The following NOL10 variants were observed in gnomAD, a reference collection of about 807,000 sequenced individuals.
The protein encoded by NOL10 is H_NH0074G24.1.
Under a neutral mutation model 103.5 loss-of-function variants are expected in NOL10, and 58 were observed. The ratio of observed to expected loss-of-function variants is 0.56; its 90% CI spans 0.45 to 0.70. The LOEUF (loss-of-function observed/expected upper bound fraction) is 0.70, where lower values mean the gene tolerates loss of function less well. Ranked by LOEUF, NOL10 falls within the 30% of genes least tolerant of loss-of-function variation. The probability of loss-of-function intolerance (pLI) is 0.00; values close to 1 mark genes in which losing one functional copy is unlikely to be tolerated. For missense variants in NOL10, 763 were observed against 807.3 expected, an observed-to-expected ratio of 0.95 and a Z score of 0.67; for synonymous variants, 287 against 282.5, an observed-to-expected ratio of 1.02 and a Z score of -0.16.
intron 1 of NOL10, among the ~76,000 whole-genome samples, chr2:10,687,771 T>C (rs1572458885): frequency 6.6e-6 from 1 of 152,134 alleles, no homozygotes; most frequent in Non-Finnish European, 1.5e-5. Context: ...CCGGCCAACA[T>C]AGTGAAACTC....
chr2:10,604,797 T>A (rs79747263), intron 14 of NOL10: 28 of 152,344 alleles, frequency 1.8e-4, no homozygotes, highest in African/African-American at 6.5e-4. Context: ...GTTAACTCCA[T>A]GGATCACTAG....
intron 14 of NOL10, among the ~76,000 whole-genome samples, chr2:10,606,685 C>G (rs903136695): frequency 1.3e-5 from 2 of 151,186 alleles, no homozygotes; most frequent in African/African-American, 4.9e-5. Context: ...TTTTAAGACA[C>G]TTCTTGGCTT....
intron 20 of NOL10, among the ~76,000 whole-genome samples, chr2:10,576,672 G>C (rs1186791382): frequency 1.3e-5 from 2 of 152,198 alleles, no homozygotes; most frequent in African/African-American, 4.8e-5. Flanking sequence ...CAAAGCTATG[G>C]AGACAGGAAG....
intron 13 of NOL10, among the ~76,000 whole-genome samples, chr2:10,643,218 G>A (rs1405113419): frequency 2.0e-5 from 3 of 152,142 alleles, no homozygotes; most frequent in Non-Finnish European, 2.9e-5. Flanking sequence ...TCAGTATCCC[G>A]AAACCACAGA....
chr2:10,684,373 G>A (rs1183286719), intron 2 of NOL10, among the ~76,000 whole-genome samples, 194 bp downstream of exon 2: 1 of 151,962 alleles, frequency 6.6e-6, no homozygotes, highest in Non-Finnish European at 1.5e-5. Flanking sequence ...TCAAGCCCAG[G>A]AGTTAGAGAC....
At chr2:10,680,520 G>A (rs909955326) in intron 3 of NOL10, among the ~76,000 whole-genome samples, 3 of 152,166 alleles carry the variant, frequency 2.0e-5, no homozygotes, top group African/African-American at 7.2e-5. Flanking sequence ...TGTGAGCCTA[G>A]ACAAGTCACT....
intron 17 of NOL10, among the ~76,000 whole-genome samples, chr2:10,595,127 G>C (rs1675600027): frequency 2.7e-5 from 3 of 110,610 alleles, no homozygotes; most frequent in Non-Finnish European, 4.0e-5. Context: ...AGGCAAGAGG[G>C]AGGGAGGGGG....
intron 17 of NOL10, among the ~76,000 whole-genome samples, chr2:10,596,192 G>A (rs1675679670): frequency 7.7e-6 from 1 of 130,704 alleles, no homozygotes; most frequent in Non-Finnish European, 1.6e-5. Context: ...GCCTAGAACA[G>A]TGATCCTCAA....
Position 10,684,587 on chromosome 2 carries a change from G to A in NOL10, c.92C>T (p.Ala31Val), listed in dbSNP as rs1217914379. The change falls in exon 2 of 21, where the codon GCG (alanine) becomes GTG (valine). Residue 31 changes from alanine (A) to valine (V), a missense_variant. Transcript: ENST00000381685. Reference sequence around the variant, plus strand: ...CTCACCTACATCTTTCTTCTGTAGCGCTCTCTTCTTCCTATCAGAAAGCCA... The same window carrying A: ...CTCACCTACATCTTTCTTCTGTAGCACTCTCTTCTTCCTATCAGAAAGCCA... ...PEWLSDRKKR[A>V]LQKKDVDVRR... 1.2e-5 allele frequency: 19 copies of A among 1,573,628 alleles called. No individual in the cohort carries two copies. The highest frequency in any genetic ancestry group is 2.7e-5 in the African/African-American group (2 of 74,110).
intron 13 of NOL10, among the ~76,000 whole-genome samples, chr2:10,641,292 G>A (rs1453897037): frequency 4.0e-5 from 6 of 151,456 alleles, no homozygotes; most frequent in African/African-American, 1.2e-4. Context: ...GCAGTGAGCC[G>A]AGATTGTGCC....
intron 13 of NOL10, among the ~76,000 whole-genome samples, chr2:10,617,035 A>C (rs1374021297): frequency 1.3e-5 from 2 of 152,226 alleles, no homozygotes; most frequent in East Asian, 3.8e-4. Context: ...CCCACCCTCA[A>C]GGAGCTTACC....
intron 12 of NOL10, among the ~76,000 whole-genome samples, chr2:10,652,787 C>G (rs1321678028): frequency 6.6e-6 from 1 of 152,168 alleles, no homozygotes; most frequent in African/African-American, 2.4e-5. Flanking sequence ...TATCTACAGA[C>G]CTGCTTACCC....
intron 20 of NOL10, among the ~76,000 whole-genome samples, chr2:10,574,682 T>C (rs1437752968): frequency 1.3e-5 from 2 of 152,140 alleles, no homozygotes; most frequent in Non-Finnish European, 2.9e-5. Context: ...CATATAATTT[T>C]GGAAAATCAT....
At position 10,605,140 on chromosome 2, in the gene NOL10, G is replaced by A. The variant is rs150360388; in HGVS notation, c.1154-1983C>T. On this transcript the variant is annotated intron_variant, in intron 14 of 20. Coordinates refer to ENST00000381685, the MANE Select transcript of NOL10 (RefSeq NM_024894.4). ...AGGCGAAGTGAATTGGCCAAGTTGT[G>A]CAGATATTAAGTGAGAAAGGTGGGA... Among the ~76,000 whole-genome samples, 67 of 152,312 alleles carry A rather than the reference G, an allele frequency of 4.4e-4. No individual in the cohort carries two copies. In the East Asian group the frequency reaches 0.013, roughly 29 times the overall value.
chr2:10,604,330 T>C (rs570434261), intron 14 of NOL10, among the ~76,000 whole-genome samples: 1 of 152,182 alleles, frequency 6.6e-6, no homozygotes, highest in Non-Finnish European at 1.5e-5. Context: ...TATACATCCA[T>C]CTAGACCTGA....
rs535757611 is a variant in NOL10, at chr2:10,642,511, C to T, written c.1026+1809G>A. ...TTACAACTCTTGTCAGGACTCCCTG[C>T]CCTACATCCCCACAGCCGGCTCACA... On this transcript the variant is annotated intron_variant, in intron 13 of 20. Coordinates refer to ENST00000381685, the MANE Select transcript of NOL10 (RefSeq NM_024894.4). Among the ~76,000 whole-genome samples the T allele has an allele frequency of 1.7e-3, 266 of 152,246 alleles. 1 individual carries two copies. Among genetic ancestry groups the T allele is most frequent in the African/African-American group, 6.1e-3 (253 of 41,530 alleles).
chr2:10,615,999 C>A (rs1297423593), intron 13 of NOL10, among the ~76,000 whole-genome samples: 1 of 152,082 alleles, frequency 6.6e-6, no homozygotes, highest in Non-Finnish European at 1.5e-5. Context: ...GGGACCCTCG[C>A]CTCCTTTTCC....
chr2:10,669,454 TA>T (rs201623853), intron 6 of NOL10, among the ~76,000 whole-genome samples: 3,085 of 142,606 alleles, frequency 0.022, 139 homozygotes, highest in African/African-American at 0.073. Context: ...TATATATATA[TA>T]TTTTTATTTT....
intron 17 of NOL10, among the ~76,000 whole-genome samples, chr2:10,599,477 A>G (rs1486127238): frequency 1.3e-5 from 2 of 152,208 alleles, no homozygotes; most frequent in African/African-American, 4.8e-5. Context: ...ACTTAAAGAT[A>G]TATATATTCA....
Sources: gnomAD v4.1 joint callset for allele counts (sites outside exome capture counted in the v4.1 genomes callset) on GRCh38, gnomAD v4.1.1 for gene constraint, MANE v1.5 for transcripts, NCBI Gene and HGNC (gene_info 2026-07-23, HGNC 2026-07-21) for gene names.